The following SOX6 variants were observed in gnomAD, a reference collection of about 807,000 sequenced individuals.
SOX6 encodes the protein SRY-box transcription factor 6.
A neutral mutation model predicts 97.8 loss-of-function variants in SOX6; 11 were observed. The observed-to-expected ratio is 0.11, with a 90% CI of 0.07 to 0.19. The LOEUF is 0.19. SOX6 is among the 10% of genes least tolerant of loss of function. The pLI, the probability that SOX6 is intolerant of heterozygous loss-of-function variation, is 1.00. For missense variants in SOX6, 810 were observed against 1,039.5 expected (o/e 0.78, Z 3.04); for synonymous variants, 360 against 371.4 (o/e 0.97, Z 0.35).
intron 3 of SOX6, among the ~76,000 whole-genome samples, chr11:16,711,635 C>G (rs1482496511): frequency 2.0e-5 from 3 of 152,196 alleles, no homozygotes; most frequent in African/African-American, 4.8e-5. Flanking sequence ...TTTCCAACCT[C>G]AACTTATGCC....
intron 4 of SOX6, among the ~76,000 whole-genome samples, chr11:16,504,714 A>G (rs1030441898): frequency 2.0e-5 from 3 of 151,984 alleles, no homozygotes; most frequent in African/African-American, 4.8e-5. Flanking sequence ...CTAATCCCCA[A>G]TGTTGGAGAA....
chr11:16,472,285 T>C (rs1860152567), intron 1 of SOX6, among the ~76,000 whole-genome samples: 1 of 152,186 alleles, frequency 6.6e-6, no homozygotes, highest in Non-Finnish European at 1.5e-5. Flanking sequence ...GACTAAATAA[T>C]ATGAAAGAAG....
chr11:16,061,272 A>G (rs1162647460), intron 9 of SOX6, among the ~76,000 whole-genome samples: 2 of 150,518 alleles, frequency 1.3e-5, no homozygotes, highest in East Asian at 3.9e-4. Context: ...TGAAAACCAA[A>G]GAAAGAAGGC....
intron 3 of SOX6, among the ~76,000 whole-genome samples, chr11:16,684,794 T>C (rs190340944): frequency 2.6e-5 from 4 of 151,546 alleles, no homozygotes; most frequent in African/African-American, 4.8e-5. Flanking sequence ...AGAGAAGAAA[T>C]ATCTGAAACT....
intron 3 of SOX6, among the ~76,000 whole-genome samples, chr11:16,655,771 T>C (rs1427899572): frequency 1.3e-5 from 2 of 152,160 alleles, no homozygotes; most frequent in Admixed American, 1.3e-4. Context: ...ATGAAATCAA[T>C]AGTACTAGCT....
chr11:16,502,803 C>A (rs559062535), intron 4 of SOX6, among the ~76,000 whole-genome samples: 14 of 152,174 alleles, frequency 9.2e-5, no homozygotes, highest in Admixed American at 9.2e-4. Context: ...CCTATTTAAC[C>A]AATTCATAGC....
chr11:16,684,307 A>T (rs1847951760), intron 3 of SOX6, among the ~76,000 whole-genome samples: 1 of 152,214 alleles, frequency 6.6e-6, no homozygotes, highest in African/African-American at 2.4e-5. Context: ...CACTAATCAC[A>T]ATAGCAAAGT....
intron 4 of SOX6, among the ~76,000 whole-genome samples, chr11:16,547,001 A>T (rs913587751): frequency 6.6e-6 from 1 of 152,206 alleles, no homozygotes; most frequent in African/African-American, 2.4e-5. Flanking sequence ...CAGGTATATG[A>T]TTTTTAAAAA....
At chr11:16,698,269 C>T (rs1564871663) in intron 3 of SOX6, among the ~76,000 whole-genome samples, 1 of 152,300 alleles carries the variant, frequency 6.6e-6, no homozygotes, top group East Asian at 1.9e-4. Context: ...AGCACTTGCA[C>T]TTTTATGTTA....
intron 3 of SOX6, among the ~76,000 whole-genome samples, chr11:16,241,464 C>T (rs886874608): frequency 6.6e-6 from 1 of 152,020 alleles, no homozygotes; most frequent in African/African-American, 2.4e-5. Flanking sequence ...GGTTCTACAA[C>T]TATTTGTTTT....
intron 13 of SOX6, among the ~76,000 whole-genome samples, chr11:15,989,628 TTTTTC>T (rs1853981724): frequency 6.6e-6 from 1 of 152,162 alleles, no homozygotes; most frequent in Non-Finnish European, 1.5e-5. Flanking sequence ...AATAGAATTG[TTTTTC>T]ACAATATTGT....
intron 4 of SOX6, among the ~76,000 whole-genome samples, chr11:16,209,115 TGTAAC>T (rs1231018580): frequency 2.0e-5 from 3 of 152,204 alleles, no homozygotes; most frequent in Non-Finnish European, 4.4e-5. Context: ...TTTATGAAAT[TGTAAC>T]ATAATGCCAC....
At chr11:16,390,592 C>T (rs1284801073) in intron 1 of SOX6, among the ~76,000 whole-genome samples, 1 of 152,210 alleles carries the variant, frequency 6.6e-6, no homozygotes, top group Non-Finnish European at 1.5e-5. Context: ...TTTGCCTCCA[C>T]TGTCCTTTCC....
intron 3 of SOX6, among the ~76,000 whole-genome samples, chr11:16,290,896 C>G (rs182492750): frequency 1.1e-4 from 17 of 152,092 alleles, no homozygotes; most frequent in South Asian, 2.1e-4. Context: ...TGCAAATGTG[C>G]TTGTTCATAT....
chr11:16,009,811 T>C (rs747387703), intron 13 of SOX6, among the ~76,000 whole-genome samples: 29 of 152,160 alleles, frequency 1.9e-4, no homozygotes, highest in South Asian at 4.1e-4. Context: ...TATGCAGTTA[T>C]AGCATTTAAA....
At chr11:16,595,832 C>A (rs1389969394) in intron 4 of SOX6, among the ~76,000 whole-genome samples, 1 of 152,084 alleles carries the variant, frequency 6.6e-6, no homozygotes, top group African/African-American at 2.4e-5. Context: ...GATTTATCAT[C>A]CCCATTGGAA....
intron 4 of SOX6, among the ~76,000 whole-genome samples, chr11:16,207,593 C>CAA (rs11337273): frequency 7.7e-6 from 1 of 129,428 alleles, no homozygotes. Context: ...GACTCCATCT[C>CAA]AAAAAAAAAA....
intron 4 of SOX6, among the ~76,000 whole-genome samples, chr11:16,574,432 A>C (rs922640609): frequency 6.6e-6 from 1 of 152,088 alleles, no homozygotes; most frequent in African/African-American, 2.4e-5. Context: ...GACATCCATA[A>C]GAGGAAAAAA....
Position 16,724,134 on chromosome 11 carries a change from T to C in SOX6, n.354-9229A>G, listed in dbSNP as rs144147095. ...AGGGAATACTTGGATTTTTAGACTG[T>C]TGTCTTGAAAGAGGATAAGTCTCCT... is the stretch of plus-strand genomic sequence containing the variant. On this transcript the variant is annotated intron_variant and non_coding_transcript_variant, in intron 2 of 5. Transcript: ENST00000524520. Among the ~76,000 whole-genome samples the C allele has an allele frequency of 1.1e-3, 164 of 152,326 alleles. 4 individuals carry two copies. In the East Asian group the frequency reaches 0.029, roughly 27 times the overall value.
Sources: gnomAD v4.1 joint callset for allele counts (sites outside exome capture counted in the v4.1 genomes callset) on GRCh38, gnomAD v4.1.1 for gene constraint, MANE v1.5 for transcripts, NCBI Gene and HGNC (gene_info 2026-07-23, HGNC 2026-07-21) for gene names.